EXOC6B: variants seen among roughly 807,000 people sequenced by gnomAD.
EXOC6B encodes the protein SEC15 homolog B.
Under a neutral mutation model 113.5 loss-of-function variants are expected in EXOC6B, and 54 were observed. The ratio of observed to expected loss-of-function variants is 0.48; its 90% CI spans 0.38 to 0.60. The LOEUF (loss-of-function observed/expected upper bound fraction) is 0.60, where lower values mean the gene tolerates loss of function less well. EXOC6B is among the 20% of genes least tolerant of loss of function. The pLI is 0.00. For missense variants in EXOC6B, 797 were observed against 977.5 expected (o/e 0.82, Z 2.46); for synonymous variants, 357 against 339.0 (o/e 1.05, Z -0.58).
At chr2:72,691,356 T>A (rs1026921798) in intron 6 of EXOC6B, among the ~76,000 whole-genome samples, 2 of 152,150 alleles carry the variant, frequency 1.3e-5, no homozygotes, top group African/African-American at 4.8e-5. Flanking sequence ...TGTTGTTTTT[T>A]AAAGTCACCT....
chr2:72,699,522 A>G (rs1678148418), intron 6 of EXOC6B, among the ~76,000 whole-genome samples: 1 of 151,896 alleles, frequency 6.6e-6, no homozygotes, highest in South Asian at 2.1e-4. Context: ...TACATGCCCC[A>G]TTAGGCCACA....
chr2:72,461,752 G>A (rs1239851301), intron 18 of EXOC6B: 2 of 151,908 alleles, frequency 1.3e-5, no homozygotes, highest in African/African-American at 4.8e-5. Flanking sequence ...GGGTTTCTGA[G>A]GCATATTGAA....
At chr2:72,823,977 A>C (rs965936631) in intron 1 of EXOC6B, among the ~76,000 whole-genome samples, 8 of 152,320 alleles carry the variant, frequency 5.3e-5, no homozygotes, top group Middle Eastern at 3.4e-3. Flanking sequence ...AGAGCTGAAG[A>C]AAATGGGAAT....
chr2:72,330,963 C>A lies in EXOC6B; in HGVS notation c.2196+3984G>T, dbSNP rs181733771. On this transcript the variant is annotated intron_variant, in intron 20 of 21. Coordinates refer to ENST00000272427, the MANE Select transcript of EXOC6B (RefSeq NM_015189.3). ...CCTAGCTAAAGCATGCTAGACCAAC[C>A]AGTCCCTAGCCAATCTAGCAGCAGA... 6.1e-3 allele frequency among the ~76,000 whole-genome samples: 923 copies of A among 152,200 alleles called. 4 individuals are homozygous for A. The highest frequency in any genetic ancestry group is 9.9e-3 in the Non-Finnish European group (671 of 67,978).
chr2:72,442,088 T>A (rs1051884473), intron 18 of EXOC6B, among the ~76,000 whole-genome samples: 5 of 152,192 alleles, frequency 3.3e-5, no homozygotes, highest in African/African-American at 1.2e-4. Flanking sequence ...GACTCAAGGT[T>A]GGTTCAACAT....
At chr2:72,524,632 C>T (rs1701669199) in intron 8 of EXOC6B, among the ~76,000 whole-genome samples, 1 of 152,166 alleles carries the variant, frequency 6.6e-6, no homozygotes, top group South Asian at 2.1e-4. Context: ...TTGTTTGCAA[C>T]TCAATGAATA....
intron 20 of EXOC6B, among the ~76,000 whole-genome samples, chr2:72,194,430 C>T (rs1159238065): frequency 6.6e-6 from 1 of 152,016 alleles, no homozygotes; most frequent in Non-Finnish European, 1.5e-5. Flanking sequence ...ACTTTGGAGA[C>T]CTGGGGAATC....
intron 18 of EXOC6B, among the ~76,000 whole-genome samples, chr2:72,436,728 G>T (rs888941099): frequency 4.0e-5 from 6 of 151,844 alleles, no homozygotes; most frequent in African/African-American, 1.5e-4. Context: ...CAAAGTTCTC[G>T]TGCTGTGTTT....
At position 72,218,611 on chromosome 2, in the gene EXOC6B, G is replaced by C. The variant is rs1411307093; in HGVS notation, c.2197-34424C>G. 2.0e-5 allele frequency among the ~76,000 whole-genome samples: 3 copies of C among 151,978 alleles called. No homozygotes were observed. The East Asian group carries it at 5.8e-4, about 29-fold the overall frequency. ...TCTTTGCATTTATCCCTCATTGCTT[G>C]CTCCAGTTTTTATATTGCCTTGATC... On this transcript the variant is annotated intron_variant, in intron 20 of 21. Coordinates refer to ENST00000272427, the MANE Select transcript of EXOC6B (RefSeq NM_015189.3).
At chr2:72,765,647 T>C (rs552950069) in intron 1 of EXOC6B, among the ~76,000 whole-genome samples, 1 of 152,156 alleles carries the variant, frequency 6.6e-6, no homozygotes, top group African/African-American at 2.4e-5. Flanking sequence ...CACTCCAGCA[T>C]GGGTGACACA....
At chr2:72,663,300 T>C (rs1675155251) in intron 6 of EXOC6B, among the ~76,000 whole-genome samples, 1 of 152,214 alleles carries the variant, frequency 6.6e-6, no homozygotes, top group Non-Finnish European at 1.5e-5. Context: ...GTATAATATA[T>C]GTCCCATTCT....
At position 72,268,734 on chromosome 2, in the gene EXOC6B, T is replaced by C. The variant is rs113320565; in HGVS notation, c.2196+66213A>G. ...TGAGTGAGTTCTCACTCAGAGTTCA[T>C]GTGAAATCTGGTTATTTAAAGGAGT... On this transcript the variant is annotated intron_variant, in intron 20 of 21. Transcript: ENST00000272427. 8.4e-3 allele frequency among the ~76,000 whole-genome samples: 1,285 copies of C among 152,166 alleles called. 12 individuals are homozygous for C. Among genetic ancestry groups the C allele is most frequent in the Middle Eastern group, 0.017 (5 of 294 alleles).
At chr2:72,782,656 A>C (rs1403009373) in intron 1 of EXOC6B, among the ~76,000 whole-genome samples, 2 of 152,236 alleles carry the variant, frequency 1.3e-5, no homozygotes, top group Middle Eastern at 3.4e-3. Context: ...GTACCCATTA[A>C]CCAGCTTCTT....
At chr2:72,422,172 T>C (rs1694920421) in intron 18 of EXOC6B, among the ~76,000 whole-genome samples, 1 of 152,148 alleles carries the variant, frequency 6.6e-6, no homozygotes, top group Non-Finnish European at 1.5e-5. Flanking sequence ...TGCTCCAGGG[T>C]GCCCAGTCCC....
At chr2:72,780,605 C>T (rs540675386) in intron 1 of EXOC6B, among the ~76,000 whole-genome samples, 15 of 152,294 alleles carry the variant, frequency 9.8e-5, no homozygotes, top group African/African-American at 3.4e-4. Flanking sequence ...CTTCAATTCA[C>T]ACTACACACG....
intron 15 of EXOC6B, among the ~76,000 whole-genome samples, chr2:72,493,694 G>A (rs1387858293): frequency 6.6e-6 from 1 of 151,870 alleles, no homozygotes; most frequent in Admixed American, 6.6e-5. Context: ...AATGCCATGT[G>A]TTTGCTATTT....
chr2:72,301,020 C>G (rs1259616714), intron 20 of EXOC6B, among the ~76,000 whole-genome samples: 1 of 152,196 alleles, frequency 6.6e-6, no homozygotes, highest in African/African-American at 2.4e-5. Context: ...TATGTTCCTT[C>G]AATACCTAGT....
At chr2:72,501,739 CCAAAA>C (rs1183695142) in intron 11 of EXOC6B, among the ~76,000 whole-genome samples, 1 of 143,432 alleles carries the variant, frequency 7.0e-6, no homozygotes, top group Non-Finnish European at 1.5e-5. Flanking sequence ...AAAAAAAAAA[CCAAAA>C]CAAAACAGAA....
intron 20 of EXOC6B, among the ~76,000 whole-genome samples, chr2:72,312,956 T>C (rs976316946): frequency 2.0e-5 from 3 of 152,114 alleles, no homozygotes; most frequent in Non-Finnish European, 4.4e-5. Context: ...TCTTTAATGT[T>C]CCAAATTCTG....
Sources: gnomAD v4.1 joint callset for allele counts (sites outside exome capture counted in the v4.1 genomes callset) on GRCh38, gnomAD v4.1.1 for gene constraint, MANE v1.5 for transcripts, NCBI Gene and HGNC (gene_info 2026-07-23, HGNC 2026-07-21) for gene names.